The following SPIRE1 variants were observed in gnomAD, a reference collection of about 807,000 sequenced individuals.
SPIRE1 encodes the protein protein spire homolog 1.
Under a neutral mutation model 94.1 loss-of-function variants are expected in SPIRE1, and 40 were observed. The ratio of observed to expected loss-of-function variants is 0.43; its 90% confidence interval spans 0.33 to 0.55. SPIRE1 has a LOEUF of 0.55. SPIRE1 is among the 20% of genes least tolerant of loss of function. The pLI is 0.06. For missense variants in SPIRE1, 838 were observed against 975.2 expected, an observed-to-expected ratio of 0.86 and a Z score of 1.87; for synonymous variants, 376 against 371.7, an observed-to-expected ratio of 1.01 and a Z score of -0.13.
At chr18:12,636,559 ACTC>A (rs2037935248) in intron 1 of SPIRE1, among the ~76,000 whole-genome samples, 1 of 151,956 alleles carries the variant, frequency 6.6e-6, no homozygotes, top group Non-Finnish European at 1.5e-5. Flanking sequence ...GACAACCACA[ACTC>A]CTCATCTCTT....
At chr18:12,543,942 A>G (rs1449653692) in intron 3 of SPIRE1, among the ~76,000 whole-genome samples, 1 of 152,188 alleles carries the variant, frequency 6.6e-6, no homozygotes, top group Admixed American at 6.5e-5. Context: ...ATGAGGAATC[A>G]TGGGTTTTAT....
At chr18:12,585,474 C>A (rs116157325) in intron 2 of SPIRE1, among the ~76,000 whole-genome samples, 1,991 of 152,200 alleles carry the variant, frequency 0.013, 46 homozygotes, top group African/African-American at 0.045. Context: ...CATCTAGGAT[C>A]TAGTACTCAC....
chr18:12,545,699 T>C (rs1456169809), intron 3 of SPIRE1, among the ~76,000 whole-genome samples: 1 of 152,168 alleles, frequency 6.6e-6, no homozygotes, highest in Non-Finnish European at 1.5e-5. Context: ...CTTCATTACA[T>C]ATAAATACCA....
At chr18:12,576,995 TTACATGA>T (rs2036121762) in intron 2 of SPIRE1, among the ~76,000 whole-genome samples, 1 of 151,736 alleles carries the variant, frequency 6.6e-6, no homozygotes, top group Admixed American at 6.6e-5. Context: ...AGTCCCACAC[TTACATGA>T]TAAATGGATT....
At chr18:12,580,314 G>C (rs2036222332) in intron 2 of SPIRE1, among the ~76,000 whole-genome samples, 2 of 151,938 alleles carry the variant, frequency 1.3e-5, no homozygotes, top group African/African-American at 4.8e-5. Context: ...CTAATAATGT[G>C]TTCTCTCTCT....
chr18:12,553,178 G>A (rs577083737), intron 2 of SPIRE1, among the ~76,000 whole-genome samples: 3 of 152,310 alleles, frequency 2.0e-5, no homozygotes, highest in Admixed American at 6.5e-5. Flanking sequence ...AAGACTTCTC[G>A]TGCTTGAGTA....
In SPIRE1 at chr18:12,527,858, A is replaced by G. The variant is rs1357283171; in HGVS notation, c.729+7618T>C. ...GAGGTGGGTGGATCACGAGGTCAGGAGATGGAGACCATCCTGGCTAACACG... is the reference window on the plus strand; with the variant it reads ...GAGGTGGGTGGATCACGAGGTCAGGGGATGGAGACCATCCTGGCTAACACG... On this transcript the variant is annotated intron_variant, in intron 4 of 16. Coordinates refer to ENST00000409402, the MANE Select transcript of SPIRE1 (RefSeq NM_001128626.2). 5.9e-5 allele frequency among the ~76,000 whole-genome samples: 9 copies of G among 152,130 alleles called. No individual in the cohort carries two copies. In the East Asian group the frequency reaches 1.7e-3, roughly 29 times the overall value.
chr18:12,535,932 G>GT (rs1186530615), intron 3 of SPIRE1, among the ~76,000 whole-genome samples: 1 of 152,134 alleles, frequency 6.6e-6, no homozygotes, highest in Non-Finnish European at 1.5e-5. Context: ...TCTAGCATGG[G>GT]TGACAGAGTG....
At chr18:12,575,596 C>T (rs2036074622) in intron 2 of SPIRE1, among the ~76,000 whole-genome samples, 1 of 152,174 alleles carries the variant, frequency 6.6e-6, no homozygotes, top group Non-Finnish European at 1.5e-5. Flanking sequence ...GCTGGGATTA[C>T]AGGCATGAAC....
chr18:12,656,119 G>C (rs551239238), intron 1 of SPIRE1, among the ~76,000 whole-genome samples: 1 of 152,040 alleles, frequency 6.6e-6, no homozygotes, highest in African/African-American at 2.4e-5. Flanking sequence ...GGCTGGTCTC[G>C]AACTCCTGAC....
intron 1 of SPIRE1, among the ~76,000 whole-genome samples, chr18:12,647,624 T>C (rs2038261296): frequency 6.6e-6 from 1 of 151,984 alleles, no homozygotes; most frequent in African/African-American, 2.4e-5. Flanking sequence ...AGTGGTGGTG[T>C]GCATTTATAG....
intron 9 of SPIRE1, among the ~76,000 whole-genome samples, chr18:12,482,457 T>C (rs2032877705): frequency 6.6e-6 from 1 of 152,134 alleles, no homozygotes; most frequent in South Asian, 2.1e-4. Context: ...TTTATTTTAA[T>C]GTGCTGCAAA....
At chr18:12,637,840 A>C (rs181355654) in intron 1 of SPIRE1, among the ~76,000 whole-genome samples, 33 of 152,348 alleles carry the variant, frequency 2.2e-4, no homozygotes, top group African/African-American at 6.0e-4. Context: ...ATGATAGAGG[A>C]GTGCCAAAAG....
At chr18:12,648,574 G>A (rs1466405046) in intron 1 of SPIRE1, among the ~76,000 whole-genome samples, 2 of 152,004 alleles carry the variant, frequency 1.3e-5, no homozygotes, top group African/African-American at 4.8e-5. Context: ...ATGGTATCTC[G>A]AATGGGATTT....
chr18:12,569,736 C>G (rs886971742), intron 2 of SPIRE1, among the ~76,000 whole-genome samples: 4 of 152,086 alleles, frequency 2.6e-5, no homozygotes, highest in Admixed American at 2.6e-4. Flanking sequence ...TGTCCTATCA[C>G]AGTAGCACCA....
intron 10 of SPIRE1, among the ~76,000 whole-genome samples, chr18:12,468,959 G>A (rs2032234437): frequency 1.3e-5 from 2 of 152,042 alleles, no homozygotes; most frequent in Admixed American, 1.3e-4. Context: ...AGCTACTTGG[G>A]AGGCTGAGGC....
chr18:12,557,538 C>G (rs527463323), intron 2 of SPIRE1, among the ~76,000 whole-genome samples: 2 of 152,248 alleles, frequency 1.3e-5, no homozygotes, highest in African/African-American at 4.8e-5. Flanking sequence ...TCCATACCTC[C>G]CTGCAAGCAG....
chr18:12,639,062 G>A (rs2038013578), intron 1 of SPIRE1, among the ~76,000 whole-genome samples: 1 of 152,134 alleles, frequency 6.6e-6, no homozygotes, highest in African/African-American at 2.4e-5. Context: ...AACTGCAGGG[G>A]TACTGTCCAG....
At chr18:12,650,497 T>C (rs1003218681) in intron 1 of SPIRE1, among the ~76,000 whole-genome samples, 2 of 151,632 alleles carry the variant, frequency 1.3e-5, no homozygotes, top group Non-Finnish European at 2.9e-5. Flanking sequence ...GATCATGAGG[T>C]CAGGAGTTCG....
Sources: gnomAD v4.1 joint callset for allele counts (sites outside exome capture counted in the v4.1 genomes callset) on GRCh38, gnomAD v4.1.1 for gene constraint, MANE v1.5 for transcripts, NCBI Gene and HGNC (gene_info 2026-07-23, HGNC 2026-07-21) for gene names.